The following DNMT1 variants were observed in gnomAD, a reference collection of about 807,000 sequenced individuals.
DNMT1 encodes the protein DNA (cytosine-5)-methyltransferase 1.
A neutral mutation model predicts 205.3 loss-of-function variants in DNMT1; 24 were observed. The ratio of observed to expected loss-of-function variants is 0.12; its 90% CI spans 0.08 to 0.16. The LOEUF is 0.16. Among genes scored for constraint, DNMT1 ranks in the 10% least tolerant of loss-of-function variants. DNMT1 has a pLI of 1.00. For missense variants in DNMT1, 1,293 were observed against 2,177.7 expected (o/e 0.59, Z 8.09); for synonymous variants, 817 against 839.8 (o/e 0.97, Z 0.47).
At chr19:10,144,079 T>A (rs1346412743) in intron 28 of DNMT1, 92 bp from the exon 29 acceptor site, 1 of 1,277,586 alleles carries the variant, frequency 7.8e-7, no homozygotes, top group Non-Finnish European at 1.1e-6. Flanking sequence ...CCATTTAAAG[T>A]CAAGCACCTG....
At chr19:10,166,040 C>T (rs1023407053) in intron 11 of DNMT1, among the ~76,000 whole-genome samples, 1 of 152,218 alleles carries the variant, frequency 6.6e-6, no homozygotes, top group East Asian at 1.9e-4. Context: ...AGGGACCCGC[C>T]GCCCCCCACC....
chr19:10,171,310 C>T (rs574087887), intron 9 of DNMT1, among the ~76,000 whole-genome samples: 1 of 152,212 alleles, frequency 6.6e-6, no homozygotes, highest in South Asian at 2.1e-4. Flanking sequence ...AAAATTAGAT[C>T]TTCACCAAGA....
In DNMT1 at chr19:10,144,006, T is replaced by C. The variant is rs780809669; in HGVS notation, c.2895-19A>G. On this transcript the variant is annotated intron_variant, in intron 28 of 40. Transcript: ENST00000359526. ...CTTGATGCTGCAGAGAAGCACCCAC[T>C]TGACATCAATGAACCTTCCACCTTG... is the stretch of plus-strand genomic sequence containing the variant. 2 of 1,612,516 alleles carry C rather than the reference T, an allele frequency of 1.2e-6. No homozygotes were observed. The highest frequency in any genetic ancestry group is 1.1e-5 in the South Asian group (1 of 91,014).
chr19:10,173,946 G>T, intron 7 of DNMT1, 41 bp from the exon 8 acceptor site: 2 of 1,597,758 alleles, frequency 1.3e-6, no homozygotes, highest in South Asian at 2.2e-5. Context: ...TTAGAATACT[G>T]GTTTCAAGGG....
At position 10,140,575 on chromosome 19, in the gene DNMT1, G is replaced by A; in HGVS notation, c.3523+206C>T. 1 of 962,410 alleles carries A rather than the reference G, an allele frequency of 1.0e-6. No homozygotes were observed. The allele number at this position is 962,410 out of a possible 1,614,324, so 59.6% of individuals were successfully genotyped here. ...ATTAGAGACGGGGTTTCACCATGTT[G>A]GCCAGGATGGTCTCAAACTCCTGAC... On this transcript the variant is annotated intron_variant, in intron 32 of 40. Coordinates refer to ENST00000359526, the MANE Select transcript of DNMT1 (RefSeq NM_001130823.3). This position sits in a 1 kb window ranked among gnomAD's most constrained non-coding sequence, Gnocchi z 8.4.
chr19:10,153,905 A>G (rs1300089355), intron 22 of DNMT1, among the ~76,000 whole-genome samples: 1 of 152,194 alleles, frequency 6.6e-6, no homozygotes, highest in Non-Finnish European at 1.5e-5. Context: ...ATATATTTTA[A>G]AAACTCACAG....
intron 39 of DNMT1, 110 bp downstream of exon 39, chr19:10,135,626 G>T: frequency 8.6e-7 from 1 of 1,164,348 alleles, no homozygotes; most frequent in South Asian, 1.3e-5. Context: ...GGGCTACCCG[G>T]CAGCCAGCAG....
At position 10,180,500 on chromosome 19, in the gene DNMT1, A is replaced by C; in HGVS notation, c.295T>G (p.Tyr99Asp). The change falls in exon 4 of 41, where the codon TAC becomes GAC. Residue 99 changes from tyrosine to aspartate, a missense_variant. Tyr to Asp is a radical substitution (Grantham distance 160). Coordinates refer to ENST00000359526, the MANE Select transcript of DNMT1 (RefSeq NM_001130823.3). ...AGACGTCCATTCACTTCCCGGTTGTAAGCATGAGCACCGTTCTCCAAGGAC... is the reference window on the plus strand; with the variant it reads ...AGACGTCCATTCACTTCCCGGTTGTCAGCATGAGCACCGTTCTCCAAGGAC... The part of the protein sequence containing the change: ...DLSLENGAHA[Y>D]NREVNGRLEN... The C allele has an allele frequency of 6.2e-7, 1 of 1,614,140 alleles. No individual in the cohort carries two copies. The highest frequency in any genetic ancestry group is 8.5e-7 in the Non-Finnish European group (1 of 1,180,032).
chr19:10,138,883 C>T lies in DNMT1; in HGVS notation c.3949-278G>A, dbSNP rs1249193337. Among the ~76,000 whole-genome samples, 1 of 152,220 alleles carries T rather than the reference C, an allele frequency of 6.6e-6. No individual in the cohort carries two copies. The highest frequency in any genetic ancestry group is 1.5e-5 in the Non-Finnish European group (1 of 68,042). On this transcript the variant is annotated intron_variant, in intron 34 of 40. Coordinates refer to ENST00000359526, the MANE Select transcript of DNMT1 (RefSeq NM_001130823.3). This position sits in a 1 kb window ranked among gnomAD's most constrained non-coding sequence, Gnocchi z 4.1. ...GCCAGCTCTGAAAGCACTGCAAGGG[C>T]CCCAAGGTCTTAGCACTCGGGGAGA...
At chr19:10,186,748 G>C (rs1209845416) in intron 1 of DNMT1, among the ~76,000 whole-genome samples, 3 of 146,890 alleles carry the variant, frequency 2.0e-5, no homozygotes, top group Non-Finnish European at 4.5e-5. Context: ...TGAGGCAGGA[G>C]AATCGCTTGA....
At chr19:10,186,838 C>CAAAAAAAAAAAAAAAAAAAAAAAA (rs35238334) in intron 1 of DNMT1, among the ~76,000 whole-genome samples, 7 of 70,688 alleles carry the variant, frequency 9.9e-5, no homozygotes, top group African/African-American at 2.9e-4. Context: ...AACTCCGTCT[C>CAAAAAAAAAAAAAAAAAAAAAAAA]AAAAAAAAAA....
rs376981726 is a variant in DNMT1 at position 10,158,819 on chromosome 19, C to A, written c.1280+839G>T. On this transcript the variant is annotated intron_variant, in intron 17 of 40. Coordinates refer to ENST00000359526, the MANE Select transcript of DNMT1 (RefSeq NM_001130823.3). ...CACAGCTGGCACAGGCCCCTCCGAGCCCTGGTAATGGTGTCCCCTTCTACC... is the reference window on the plus strand; with the variant it reads ...CACAGCTGGCACAGGCCCCTCCGAGACCTGGTAATGGTGTCCCCTTCTACC... Among the ~76,000 whole-genome samples, 123 of 152,356 alleles carry A rather than the reference C, an allele frequency of 8.1e-4. 1 individual carries two copies. The South Asian group carries it at 9.9e-3, about 12-fold the overall frequency.
chr19:10,179,513 C>T (rs1377535768), intron 5 of DNMT1, among the ~76,000 whole-genome samples: 1 of 152,080 alleles, frequency 6.6e-6, no homozygotes, highest in Non-Finnish European at 1.5e-5. Flanking sequence ...GGATTACAGG[C>T]ATGAGCCACC....
chr19:10,135,232 A>G (rs1220518363), intron 39 of DNMT1, among the ~76,000 whole-genome samples: 1 of 130,056 alleles, frequency 7.7e-6, no homozygotes, highest in Non-Finnish European at 1.7e-5. Context: ...AAAAAAAAAG[A>G]GAGAGTGGCT....
At position 10,194,939 on chromosome 19, in the gene DNMT1, GC is replaced by G. The variant is rs759965535; in HGVS notation, c.-41del. 2 of 1,579,394 alleles carry G rather than the reference GC, an allele frequency of 1.3e-6. No individual in the cohort carries two copies. The highest frequency in any genetic ancestry group is 1.2e-5 in the South Asian group (1 of 86,474). On this transcript the variant is annotated 5_prime_UTR_variant, in exon 1 of 41. Coordinates refer to ENST00000359526, the MANE Select transcript of DNMT1 (RefSeq NM_001130823.3). Reference sequence around the variant, plus strand: ...CAGACGCGGCGGCGGCAGCGCAGGCGCCCCGGCTTTTCGCGCGGAAACCGAT... The same window carrying G: ...CAGACGCGGCGGCGGCAGCGCAGGCGCCCGGCTTTTCGCGCGGAAACCGAT...
At position 10,183,092 on chromosome 19, in the gene DNMT1, T is replaced by TATATATACGTGTGTATATATATAC. The variant is rs752932947; in HGVS notation, c.81-1016_81-1015insGTATATATATACACACGTATATAT. Among the ~76,000 whole-genome samples, 3 of 138,612 alleles carry TATATATACGTGTGTATATATATAC rather than the reference T, an allele frequency of 2.2e-5. No homozygotes were observed. In the South Asian group the frequency reaches 6.8e-4, roughly 32 times the overall value. 90.9% of individuals were successfully genotyped at this position (138,612 alleles called of 152,430 possible). A position where few individuals can be genotyped will look rare whatever the true frequency, so the allele number is the denominator to read the frequency against. On this transcript the variant is annotated intron_variant, in intron 1 of 40. Transcript: ENST00000359526. The stretch of plus-strand genomic sequence containing the variant: ...ATACATATGTGTGTGTATATATATA[T>TATATATACGTGTGTATATATATAC]ACACGTATATATACGTGTGTATATA...
chr19:10,138,599 G>T lies in DNMT1; in HGVS notation c.3955C>A (p.Gln1319Lys). 6.2e-7 allele frequency: 1 copy of T among 1,603,700 alleles called. No individual in the cohort carries two copies. The highest frequency in any genetic ancestry group is 1.1e-5 in the South Asian group (1 of 91,002). ...CTCCTAGTCTGGGCCACGCCGTACT[G>T]ACCGGCCTGTGGGGGAGAAGGACGG... ...QCTFGVLQAG[Q>K]YGVAQTRRRA... Residue 1319 changes from glutamine to lysine, a missense_variant, in exon 35 of 41, where the codon CAG (glutamine) becomes AAG (lysine). This residue lies in a region of DNMT1 where 38 missense variants were observed against 141.1 expected (regional missense o/e 0.27). Coordinates refer to ENST00000359526, the MANE Select transcript of DNMT1 (RefSeq NM_001130823.3). This position sits in a 1 kb window ranked among gnomAD's most constrained non-coding sequence, Gnocchi z 4.1.
At chr19:10,157,768 G>A (rs2038488164) in intron 17 of DNMT1, among the ~76,000 whole-genome samples, 1 of 152,248 alleles carries the variant, frequency 6.6e-6, no homozygotes, top group Non-Finnish European at 1.5e-5. Context: ...AGGCCCAGAA[G>A]AAGAGACAGA....
intron 27 of DNMT1, among the ~76,000 whole-genome samples, 168 bp downstream of exon 27, chr19:10,148,716 G>A (rs1176487892): frequency 6.6e-6 from 1 of 151,358 alleles, no homozygotes; most frequent in African/African-American, 2.4e-5. Flanking sequence ...AGCAACTCCA[G>A]GCCATCTACA....
Sources: gnomAD v4.1 joint callset for allele counts (sites outside exome capture counted in the v4.1 genomes callset) on GRCh38, gnomAD v4.1.1 for gene constraint, gnomAD v4.1.1 regional missense constraint, Gnocchi (gnomAD v3.1) non-coding constraint, MANE v1.5 for transcripts, NCBI Gene and HGNC (gene_info 2026-07-23, HGNC 2026-07-21) for gene names.